Variants in KDM4C observed in about 807,000 individuals in gnomAD.
KDM4C encodes the protein lysine demethylase 4C.
In KDM4C, 81 loss-of-function variants were observed where a neutral mutation model predicts 129.3. The observed-to-expected ratio is 0.63, with a 90% CI of 0.52 to 0.75. The LOEUF is 0.75. Ranked by LOEUF, KDM4C falls within the 30% of genes least tolerant of loss-of-function variation. The probability of loss-of-function intolerance (pLI) is 0.00; values close to 1 mark genes in which losing one functional copy is unlikely to be tolerated. For missense variants in KDM4C, 1,457 were observed against 1,304.0 expected (o/e 1.12, Z -1.81); for synonymous variants, 573 against 456.1 (o/e 1.26, Z -3.26).
intron 4 of KDM4C, among the ~76,000 whole-genome samples, chr9:6,821,841 G>C (rs1338625623): frequency 6.6e-6 from 1 of 152,122 alleles, no homozygotes. Context: ...CGCCATGTTG[G>C]CCAGACTGGT....
intron 4 of KDM4C, among the ~76,000 whole-genome samples, chr9:6,844,225 C>G (rs1837462699): frequency 6.6e-6 from 1 of 151,962 alleles, no homozygotes; most frequent in African/African-American, 2.4e-5. Flanking sequence ...AGTTTTAATC[C>G]TTTGGACTAT....
intron 1 of KDM4C, among the ~76,000 whole-genome samples, chr9:6,786,000 G>A (rs1348293556): frequency 1.3e-5 from 2 of 152,218 alleles, no homozygotes; most frequent in African/African-American, 2.4e-5. Flanking sequence ...AGAGGGCTGT[G>A]TTTTAAAGTA....
intron 8 of KDM4C, chr9:6,924,904 C>T: frequency 3.0e-6 from 3 of 984,618 alleles, no homozygotes; most frequent in Non-Finnish European, 3.6e-6. Context: ...TTTTGTTGGT[C>T]AGAGTACAGC....
intron 8 of KDM4C, among the ~76,000 whole-genome samples, chr9:6,947,659 A>G (rs1257025319): frequency 1.3e-5 from 2 of 152,030 alleles, no homozygotes; most frequent in African/African-American, 2.4e-5. Context: ...TTGAATTTCA[A>G]ATTGTTTACT....
At chr9:7,136,154 T>G (rs939264947) in intron 19 of KDM4C, among the ~76,000 whole-genome samples, 2 of 152,244 alleles carry the variant, frequency 1.3e-5, no homozygotes, top group Non-Finnish European at 2.9e-5. Context: ...TCAGACGCTT[T>G]GCAATGTTTA....
At chr9:6,778,403 T>G (rs1823560957) in intron 1 of KDM4C, among the ~76,000 whole-genome samples, 1 of 151,934 alleles carries the variant, frequency 6.6e-6, no homozygotes, top group African/African-American at 2.4e-5. Flanking sequence ...GTTTCAGGCC[T>G]TTGTAGCTAA....
chr9:7,034,417 A>G (rs1263979240), intron 15 of KDM4C, among the ~76,000 whole-genome samples: 1 of 152,124 alleles, frequency 6.6e-6, no homozygotes, highest in African/African-American at 2.4e-5. Context: ...TATGGGATCA[A>G]CTTGTTTCAG....
intron 1 of KDM4C, among the ~76,000 whole-genome samples, chr9:6,721,954 G>A (rs1183205013): frequency 6.6e-6 from 1 of 152,100 alleles, no homozygotes; most frequent in Admixed American, 6.6e-5. Context: ...GCTCCTGGGT[G>A]CAAGCAATCC....
intron 8 of KDM4C, among the ~76,000 whole-genome samples, chr9:6,915,887 C>T (rs777623720): frequency 2.0e-5 from 3 of 152,274 alleles, no homozygotes; most frequent in South Asian, 2.1e-4. Context: ...ATGAGAAGCT[C>T]GCAAAGACTC....
chr9:7,109,635 G>A (rs943286310), intron 18 of KDM4C, among the ~76,000 whole-genome samples: 5 of 152,140 alleles, frequency 3.3e-5, no homozygotes, highest in Admixed American at 6.5e-5. Context: ...GTAGGACTTC[G>A]CTTAGCTTAC....
chr9:6,952,974 C>G (rs1007916296), intron 8 of KDM4C, among the ~76,000 whole-genome samples: 2 of 152,044 alleles, frequency 1.3e-5, no homozygotes, highest in Admixed American at 6.5e-5. Context: ...CTGGTACTTG[C>G]ATTTTTATGT....
chr9:6,744,082 C>T (rs1398883552), intron 1 of KDM4C, among the ~76,000 whole-genome samples: 2 of 105,602 alleles, frequency 1.9e-5, no homozygotes, highest in Non-Finnish European at 3.4e-5. Flanking sequence ...CAGCTTCATC[C>T]AGATAACAAC....
intron 1 of KDM4C, among the ~76,000 whole-genome samples, chr9:6,725,521 C>CT (rs898304133): frequency 6.6e-6 from 1 of 151,864 alleles, no homozygotes; most frequent in African/African-American, 2.4e-5. Flanking sequence ...GAGTTTTGCT[C>CT]TTGTTGCCCA....
At chr9:6,959,074 C>G (rs1286163056) in intron 8 of KDM4C, among the ~76,000 whole-genome samples, 2 of 152,140 alleles carry the variant, frequency 1.3e-5, no homozygotes, top group East Asian at 1.9e-4. Context: ...ATAGTCCTGC[C>G]CAAGTTTTCT....
chr9:6,830,986 G>T (rs1483277281), intron 4 of KDM4C, among the ~76,000 whole-genome samples: 1 of 152,180 alleles, frequency 6.6e-6, no homozygotes, highest in South Asian at 2.1e-4. Context: ...GGATTTTCCA[G>T]GTATTAGTGG....
intron 19 of KDM4C, among the ~76,000 whole-genome samples, chr9:7,145,821 T>A (rs1386568010): frequency 6.6e-6 from 1 of 152,218 alleles, no homozygotes; most frequent in Non-Finnish European, 1.5e-5. Context: ...AACAATACAG[T>A]CCTCATTTCT....
intron 1 of KDM4C, among the ~76,000 whole-genome samples, chr9:6,761,079 G>T (rs1327734487): frequency 6.9e-6 from 1 of 144,256 alleles, no homozygotes; most frequent in Non-Finnish European, 1.5e-5. Flanking sequence ...GCGCGATCTC[G>T]GCTCACTGCA....
At chr9:7,043,871 A>T (rs778414204) in intron 15 of KDM4C, among the ~76,000 whole-genome samples, 3 of 152,028 alleles carry the variant, frequency 2.0e-5, no homozygotes, top group Non-Finnish European at 2.9e-5. Flanking sequence ...AAGTCCCAGT[A>T]TGTGAAAATG....
intron 2 of KDM4C, among the ~76,000 whole-genome samples, chr9:6,803,004 A>G (rs1018939449): frequency 3.3e-5 from 5 of 152,380 alleles, no homozygotes; most frequent in Admixed American, 3.3e-4. Flanking sequence ...TACATTTGCA[A>G]AACTGGTGTA....
Sources: allele counts gnomAD v4.1 joint callset (sites outside exome capture counted in the v4.1 genomes callset), GRCh38; gene constraint gnomAD v4.1.1; transcripts MANE v1.5; gene names NCBI Gene and HGNC (gene_info 2026-07-23, HGNC 2026-07-21).